The following SIK3 variants were observed in gnomAD, a reference collection of about 807,000 sequenced individuals.
SIK3 encodes SIK family kinase 3.
A neutral mutation model predicts 144.2 loss-of-function variants in SIK3; 28 were observed. That is an observed-to-expected ratio of 0.19 (90% CI 0.14 to 0.27). The LOEUF is 0.27. Ranked by LOEUF, SIK3 falls within the 10% of genes least tolerant of loss-of-function variation. The probability of loss-of-function intolerance (pLI) is 1.00; values close to 1 mark genes in which losing one functional copy is unlikely to be tolerated. For missense variants in SIK3, 1,319 were observed against 1,776.0 expected, an observed-to-expected ratio of 0.74 and a Z score of 4.62; for synonymous variants, 686 against 676.3, an observed-to-expected ratio of 1.01 and a Z score of -0.22.
chr11:117,018,360 G>A (rs1166248877), intron 1 of SIK3, among the ~76,000 whole-genome samples: 3 of 152,112 alleles, frequency 2.0e-5, no homozygotes, highest in Non-Finnish European at 4.4e-5. Context: ...AAGAAAAAAC[G>A]CAGCTCAAAC....
chr11:117,009,592 G>A (rs375783953), intron 1 of SIK3, among the ~76,000 whole-genome samples: 1 of 151,636 alleles, frequency 6.6e-6, no homozygotes, highest in East Asian at 1.9e-4. Flanking sequence ...AAACTCTGAC[G>A]CAAAAGTCAA....
chr11:117,095,696 T>C (rs1348560816), intron 1 of SIK3, among the ~76,000 whole-genome samples: 1 of 152,222 alleles, frequency 6.6e-6, no homozygotes, highest in Non-Finnish European at 1.5e-5. Context: ...GGCCAAAATA[T>C]GCTCCTAGTT....
chr11:117,085,092 T>A (rs1954948019), intron 1 of SIK3, among the ~76,000 whole-genome samples: 1 of 151,756 alleles, frequency 6.6e-6, no homozygotes, highest in South Asian at 2.1e-4. Context: ...TAATCAATCT[T>A]TCTTTCTTTC....
intron 3 of SIK3, among the ~76,000 whole-genome samples, chr11:116,947,562 T>TGTAC (rs1948726710): frequency 3.2e-5 from 2 of 63,156 alleles, no homozygotes; most frequent in Non-Finnish European, 9.8e-5. Context: ...TATGTATGTA[T>TGTAC]GTATGTATTT....
At chr11:116,947,569 A>ATGTATTTT (rs374241141) in intron 3 of SIK3, among the ~76,000 whole-genome samples, 62 of 109,440 alleles carry the variant, frequency 5.7e-4, no homozygotes, top group Admixed American at 7.8e-4. Context: ...GTATGTATGT[A>ATGTATTTT]TTTTTTTTTT....
intron 1 of SIK3, among the ~76,000 whole-genome samples, chr11:117,058,114 C>G (rs1953622059): frequency 6.6e-6 from 1 of 152,112 alleles, no homozygotes; most frequent in African/African-American, 2.4e-5. Context: ...ATACAAAGCC[C>G]TGTGCTAAGA....
chr11:117,067,560 G>A (rs1331386351), intron 1 of SIK3, among the ~76,000 whole-genome samples: 2 of 152,160 alleles, frequency 1.3e-5, no homozygotes, highest in African/African-American at 2.4e-5. Context: ...AACTTTCTGC[G>A]AGACTGAATT....
intron 1 of SIK3, among the ~76,000 whole-genome samples, chr11:116,965,734 A>AATATATATACATATATAT (rs1949505761): frequency 9.3e-5 from 11 of 118,378 alleles, no homozygotes; most frequent in African/African-American, 4.1e-4. Context: ...TCTCTGCTAA[A>AATATATATACATATATAT]ATATATATAT....
intron 1 of SIK3, among the ~76,000 whole-genome samples, chr11:117,003,540 T>C (rs914716973): frequency 7.2e-5 from 11 of 152,096 alleles, no homozygotes; most frequent in African/African-American, 2.7e-4. Flanking sequence ...CCTGTAATCC[T>C]AGCACTTTGA....
Position 116,847,494 on chromosome 11 carries a change from G to A in SIK3, c.3934C>T (p.Gln1312Ter). Reference protein sequence around the residue: ...QSSLMGSQQFQDGENEECGAS... With the variant: ...QSSLMGSQQF ...TCCTCACCCTCATTTTCCCCATCCT[G>A]AAACTGCTGGCTGCCCATGAGCGAA... Residue 1312 changes from glutamine to a stop codon, truncating the protein, a stop_gained, in exon 23 of 25, where the codon CAG (glutamine) becomes TAG (stop). Transcript: ENST00000445177. LOFTEE classifies it high-confidence loss of function. 1 of 1,614,188 alleles carries A rather than the reference G, an allele frequency of 6.2e-7. No individual in the cohort carries two copies. Among genetic ancestry groups the A allele is most frequent in the Non-Finnish European group, 8.5e-7 (1 of 1,180,038 alleles).
chr11:116,941,162 A>G (rs114034580), intron 3 of SIK3, among the ~76,000 whole-genome samples: 11,195 of 152,100 alleles, frequency 0.074, 738 homozygotes, highest in African/African-American at 0.18. Context: ...GCCCACCACC[A>G]TGCTCGGCTA....
intron 1 of SIK3, among the ~76,000 whole-genome samples, chr11:117,074,457 ATGT>A (rs1050185537): frequency 5.8e-4 from 88 of 152,322 alleles, no homozygotes; most frequent in African/African-American, 2.0e-3. Flanking sequence ...AAGTGATAAA[ATGT>A]TGTACTTACC....
At chr11:117,052,507 T>C (rs1953305244) in intron 1 of SIK3, among the ~76,000 whole-genome samples, 2 of 152,332 alleles carry the variant, frequency 1.3e-5, no homozygotes, top group South Asian at 2.1e-4. Flanking sequence ...CTCTCTATCA[T>C]GTTTACAATA....
intron 6 of SIK3, among the ~76,000 whole-genome samples, chr11:116,895,062 G>C (rs1220653937): frequency 1.3e-5 from 2 of 152,128 alleles, no homozygotes; most frequent in Non-Finnish European, 2.9e-5. Flanking sequence ...CTCCAATCCT[G>C]TATACTTCAG....
intron 1 of SIK3, among the ~76,000 whole-genome samples, chr11:117,049,990 T>C (rs1053681086): frequency 1.3e-5 from 2 of 151,238 alleles, no homozygotes; most frequent in Non-Finnish European, 2.9e-5. Flanking sequence ...TATATTATAG[T>C]ATAATTATAT....
intron 12 of SIK3, 83 bp downstream of exon 12, chr11:116,873,820 T>C: frequency 3.3e-6 from 5 of 1,526,700 alleles, no homozygotes; most frequent in Non-Finnish European, 2.6e-6. Flanking sequence ...AACCCTTAAG[T>C]CCTAGGGAAG....
At chr11:116,901,574 CCTA>C (rs1479878180) in intron 4 of SIK3, among the ~76,000 whole-genome samples, 3 of 152,132 alleles carry the variant, frequency 2.0e-5, no homozygotes, top group African/African-American at 7.2e-5. Context: ...TCCTGGATCC[CCTA>C]CAAGAAATGT....
chr11:116,955,937 G>C lies in SIK3; in HGVS notation c.390+1011C>G, dbSNP rs567541780. On this transcript the variant is annotated intron_variant, in intron 2 of 24. Coordinates refer to ENST00000445177, the MANE Select transcript of SIK3 (RefSeq NM_001366686.3). ...GTTTTCTTTTCCATAAAACTAAGAG[G>C]CTACGAAAGCTTGCCCATAGAGCCT... Among the ~76,000 whole-genome samples, 3 of 151,456 alleles carry C rather than the reference G, an allele frequency of 2.0e-5. No individual in the cohort carries two copies. The East Asian group carries it at 5.8e-4, about 29-fold the overall frequency.
At chr11:116,912,654 G>C (rs533846584) in intron 4 of SIK3, among the ~76,000 whole-genome samples, 1 of 152,104 alleles carries the variant, frequency 6.6e-6, no homozygotes. Flanking sequence ...GAGCAGAGGG[G>C]AAAAAGTGAA....
Sources: allele counts gnomAD v4.1 joint callset (sites outside exome capture counted in the v4.1 genomes callset), GRCh38; gene constraint gnomAD v4.1.1; transcripts MANE v1.5; gene names NCBI Gene and HGNC (gene_info 2026-07-23, HGNC 2026-07-21).